SELENOF: variants seen among roughly 807,000 people sequenced by gnomAD.
SELENOF encodes the protein 15 kDa selenoprotein.
Under a neutral mutation model 20.5 loss-of-function variants are expected in SELENOF, and 16 were observed. The observed-to-expected ratio is 0.78, with a 90% confidence interval of 0.53 to 1.19. The LOEUF (loss-of-function observed/expected upper bound fraction) is 1.19, where lower values mean the gene tolerates loss of function less well. Among genes scored for constraint, SELENOF ranks in the 50% most tolerant of loss-of-function variants. The pLI is 0.00. For synonymous variants in SELENOF, 78 were observed against 74.5 expected, an observed-to-expected ratio of 1.05 and a Z score of -0.24; for missense variants, 215 against 194.2, an observed-to-expected ratio of 1.11 and a Z score of -0.64.
chr1:86,895,809 T>C (rs1457943726), intron 2 of SELENOF, among the ~76,000 whole-genome samples: 2 of 152,088 alleles, frequency 1.3e-5, no homozygotes, highest in African/African-American at 4.8e-5. Flanking sequence ...ATAAGGCAAG[T>C]GTAAATGCAA....
At chr1:86,887,141 C>T (rs1426096474) in intron 2 of SELENOF, 1 of 1,523,626 alleles carries the variant, frequency 6.6e-7, no homozygotes, top group Non-Finnish European at 8.8e-7. Flanking sequence ...TGATTAATGA[C>T]ACTTTCATAC....
rs551423189 is a variant in SELENOF at position 86,880,404 on chromosome 1, G to A, written c.316+258C>T. Among the ~76,000 whole-genome samples the A allele has an allele frequency of 4.5e-4, 68 of 152,218 alleles. 1 individual carries two copies. The South Asian group carries it at 0.013, about 30-fold the overall frequency. The stretch of plus-strand genomic sequence containing the variant: ...CCACCTTGGCCTCCCAAAGTGCTGG[G>A]ATTACAGGCATGAGCTGAGTGTGAC... On this transcript the variant is annotated intron_variant, in intron 3 of 4. Coordinates refer to ENST00000331835, the MANE Select transcript of SELENOF (RefSeq NM_004261.5).
intron 1 of SELENOF, among the ~76,000 whole-genome samples, chr1:86,910,748 G>A (rs1038104686): frequency 2.0e-5 from 3 of 149,738 alleles, no homozygotes; most frequent in Non-Finnish European, 4.4e-5. Flanking sequence ...GTACTTACCA[G>A]CTAGAGTTGC....
At position 86,914,030 on chromosome 1, in the gene SELENOF, C is replaced by A. The variant is rs1214667907; in HGVS notation, c.82G>T (p.Ala28Ser). 2 of 1,613,798 alleles carry A rather than the reference C, an allele frequency of 1.2e-6. No homozygotes were observed. The highest frequency in any genetic ancestry group is 2.7e-5 in the African/African-American group (2 of 74,922). Reference sequence around the variant, plus strand: ...CTGCGAAGGTGATCTACACTCACCGCTTGAAGCACAGTCGCCAACAACAAC... The same window carrying A: ...CTGCGAAGGTGATCTACACTCACCGATTGAAGCACAGTCGCCAACAACAAC... ...LRLLLATVLQ[A>S]VSAFGAEFSS... Residue 28 changes from alanine to serine, a missense_variant and splice_region_variant, in exon 1 of 5, where the codon GCG (alanine) becomes TCG (serine). Physicochemically the swap from Ala to Ser is moderately conservative, Grantham distance 99. Transcript: ENST00000331835.
At chr1:86,913,853 C>T in intron 1 of SELENOF, 175 bp downstream of exon 1, 2 of 620,010 alleles carry the variant, frequency 3.2e-6, no homozygotes, top group South Asian at 2.0e-5. Context: ...AAACCCAAGG[C>T]GGGGAAGGAG....
chr1:86,869,575 C>A (rs976613340), intron 3 of SELENOF, among the ~76,000 whole-genome samples: 1 of 152,010 alleles, frequency 6.6e-6, no homozygotes, highest in African/African-American at 2.4e-5. Context: ...ATACATGGGG[C>A]ATTTATTTGG....
intron 3 of SELENOF, among the ~76,000 whole-genome samples, chr1:86,870,025 G>C (rs1332080024): frequency 1.3e-5 from 2 of 152,060 alleles, no homozygotes; most frequent in Non-Finnish European, 2.9e-5. Context: ...CGCCTGCCTT[G>C]GCCTCCCAAA....
chr1:86,897,951 T>C (rs750788707), intron 2 of SELENOF, among the ~76,000 whole-genome samples: 8 of 152,200 alleles, frequency 5.3e-5, no homozygotes, highest in Non-Finnish European at 8.8e-5. Flanking sequence ...ACAAGATCAA[T>C]GGGAAGAGTT....
intron 2 of SELENOF, chr1:86,887,210 G>T: frequency 6.5e-7 from 1 of 1,531,886 alleles, no homozygotes; most frequent in Non-Finnish European, 8.8e-7. Context: ...AGGATTAGGG[G>T]AAAAAAAATC....
rs1488667931 is a variant in SELENOF, at chr1:86,862,677, T to C, written c.*797A>G. The C allele has an allele frequency of 6.6e-6, 1 of 152,200 alleles. No homozygotes were observed. Among genetic ancestry groups the C allele is most frequent in the Admixed American group, 6.5e-5 (1 of 15,268 alleles). The allele number at this position is 152,200 out of a possible 1,614,324, so 9.4% of individuals were successfully genotyped here. A position where few individuals can be genotyped will look rare whatever the true frequency, so the allele number is the denominator to read the frequency against. ...GAAAAAAATGCATTGAAAAACATCA[T>C]TTTTAAACATGAAAGAACAAACCAG... On this transcript the variant is annotated 3_prime_UTR_variant, in exon 5 of 5. Transcript: ENST00000331835.
chr1:86,888,430 A>T (rs1659283727), intron 2 of SELENOF, among the ~76,000 whole-genome samples: 1 of 152,166 alleles, frequency 6.6e-6, no homozygotes, highest in Admixed American at 6.5e-5. Flanking sequence ...TGCCTTTCAG[A>T]AGAAATCTTT....
At chr1:86,872,496 G>A (rs1658801237) in intron 3 of SELENOF, among the ~76,000 whole-genome samples, 2 of 151,458 alleles carry the variant, frequency 1.3e-5, no homozygotes, top group Non-Finnish European at 2.9e-5. Context: ...AGCCTCCCGA[G>A]CAGCTGGGAT....
At chr1:86,903,210 T>A (rs1659745799) in intron 2 of SELENOF, 71 bp downstream of exon 2, 1 of 1,356,974 alleles carries the variant, frequency 7.4e-7, no homozygotes, top group Non-Finnish European at 1.0e-6. Context: ...CTTAAATTGA[T>A]TAAGCAACTT....
intron 2 of SELENOF, among the ~76,000 whole-genome samples, chr1:86,899,650 C>CA (rs1403088885): frequency 6.6e-6 from 1 of 151,374 alleles, no homozygotes; most frequent in African/African-American, 2.4e-5. Flanking sequence ...CTGACCCCCC[C>CA]ATCTCCCTCC....
chr1:86,874,410 G>A (rs1658871825), intron 3 of SELENOF, among the ~76,000 whole-genome samples: 1 of 152,152 alleles, frequency 6.6e-6, no homozygotes, highest in African/African-American at 2.4e-5. Flanking sequence ...GTGATTTAAA[G>A]ACAGATTAAA....
intron 2 of SELENOF, among the ~76,000 whole-genome samples, chr1:86,897,957 G>C (rs574999084): frequency 2.6e-4 from 40 of 152,320 alleles, no homozygotes; most frequent in Admixed American, 4.6e-4. Flanking sequence ...TCAATGGGAA[G>C]AGTTATACTC....
intron 2 of SELENOF, 82 bp downstream of exon 2, chr1:86,903,199 A>C: frequency 8.0e-7 from 1 of 1,244,600 alleles, no homozygotes; most frequent in Non-Finnish European, 1.1e-6. Flanking sequence ...GCTTTTTTAC[A>C]CTTAAATTGA....
Position 86,868,115 on chromosome 1 carries a change from G to T in SELENOF, c.317-13C>A. On this transcript the variant is annotated splice_polypyrimidine_tract_variant and intron_variant, in intron 3 of 4. Coordinates refer to ENST00000331835, the MANE Select transcript of SELENOF (RefSeq NM_004261.5). ...CTCCTAACAAAAGCTTATAAAAAAA[G>T]AAAAAAAGATTCAGTAGTTCACTTC... is the stretch of plus-strand genomic sequence containing the variant. 1 of 1,402,178 alleles carries T rather than the reference G, an allele frequency of 7.1e-7. No individual in the cohort carries two copies. The allele number at this position is 1,402,178 out of a possible 1,614,324, so 86.9% of individuals were successfully genotyped here.
intron 1 of SELENOF, among the ~76,000 whole-genome samples, chr1:86,906,329 G>A (rs1012424473): frequency 3.9e-5 from 6 of 152,190 alleles, no homozygotes; most frequent in Admixed American, 2.6e-4. Context: ...GTAACAATGA[G>A]CAGATTGTGT....
Sources: gnomAD v4.1 joint callset for allele counts (sites outside exome capture counted in the v4.1 genomes callset) on GRCh38, gnomAD v4.1.1 for gene constraint, MANE v1.5 for transcripts, NCBI Gene and HGNC (gene_info 2026-07-23, HGNC 2026-07-21) for gene names.